Variants in CNTNAP2 observed in about 807,000 individuals in gnomAD.
CNTNAP2 encodes contactin-associated protein-like 2.
Under a neutral mutation model 155.2 loss-of-function variants are expected in CNTNAP2, and 98 were observed. That is an observed-to-expected ratio of 0.63 (90% CI 0.54 to 0.75). The LOEUF (loss-of-function observed/expected upper bound fraction) is 0.75, where lower values mean the gene tolerates loss of function less well. Ranked by LOEUF, CNTNAP2 falls within the 30% of genes least tolerant of loss-of-function variation. The pLI is 0.00. For synonymous variants in CNTNAP2, 651 were observed against 631.2 expected, an observed-to-expected ratio of 1.03 and a Z score of -0.47; for missense variants, 1,727 against 1,688.1, an observed-to-expected ratio of 1.02 and a Z score of -0.40.
chr7:146,719,019 T>C (rs1801239852), intron 1 of CNTNAP2, among the ~76,000 whole-genome samples: 1 of 152,332 alleles, frequency 6.6e-6, no homozygotes, highest in Non-Finnish European at 1.5e-5. Context: ...TAGGATGGTT[T>C]ACATTTATTA....
chr7:147,980,667 G>A (rs981079192), intron 15 of CNTNAP2, among the ~76,000 whole-genome samples: 3 of 151,840 alleles, frequency 2.0e-5, no homozygotes, highest in Non-Finnish European at 4.4e-5. Flanking sequence ...GCTCACACCT[G>A]TAATCCCAGC....
At chr7:148,345,366 GTTTGTTTA>G (rs1798308477) in intron 21 of CNTNAP2, among the ~76,000 whole-genome samples, 1 of 121,582 alleles carries the variant, frequency 8.2e-6, no homozygotes. Flanking sequence ...TTGTTTGTTT[GTTTGTTTA>G]TTTTTTGAGA....
At chr7:147,203,310 T>A (rs1289009449) in intron 8 of CNTNAP2, among the ~76,000 whole-genome samples, 1 of 152,168 alleles carries the variant, frequency 6.6e-6, no homozygotes, top group Non-Finnish European at 1.5e-5. Context: ...AATGGTGTGA[T>A]CTTGGCTCAC....
intron 1 of CNTNAP2, among the ~76,000 whole-genome samples, chr7:146,306,053 T>A (rs901611913): frequency 6.6e-6 from 1 of 151,838 alleles, no homozygotes; most frequent in South Asian, 2.1e-4. Flanking sequence ...AATAAAAAAT[T>A]ATAAAGGCGA....
intron 13 of CNTNAP2, among the ~76,000 whole-genome samples, chr7:147,865,052 T>A (rs1799203476): frequency 1.3e-5 from 2 of 152,328 alleles, no homozygotes; most frequent in Non-Finnish European, 2.9e-5. Flanking sequence ...AGTATGATAT[T>A]GGCTGTGGGT....
In CNTNAP2 at chr7:146,781,227, C is replaced by CAAA. The variant is rs375760321; in HGVS notation, c.208+6857_208+6859dup. ...TGGGTGACAGAGCGAGACTCCATCT[C>CAAA]AAAAAAAAAAAAACAAAAAAAAAAC... is the stretch of plus-strand genomic sequence containing the variant. On this transcript the variant is annotated intron_variant, in intron 2 of 23. Coordinates refer to ENST00000361727, the MANE Select transcript of CNTNAP2 (RefSeq NM_014141.6). Among the ~76,000 whole-genome samples the CAAA allele has an allele frequency of 5.2e-3, 457 of 87,444 alleles. 3 individuals carry two copies. The highest frequency in any genetic ancestry group is 0.018 in the South Asian group (50 of 2,708). 57.4% of individuals were successfully genotyped at this position (87,444 alleles called of 152,430 possible).
At chr7:148,289,154 T>C (rs1245065187) in intron 21 of CNTNAP2, among the ~76,000 whole-genome samples, 1 of 151,964 alleles carries the variant, frequency 6.6e-6, no homozygotes, top group Non-Finnish European at 1.5e-5. Flanking sequence ...GAAATTTCAG[T>C]TGTCTCCCAG....
At chr7:147,023,688 A>C (rs1798853354) in intron 3 of CNTNAP2, among the ~76,000 whole-genome samples, 3 of 152,178 alleles carry the variant, frequency 2.0e-5, no homozygotes, top group Admixed American at 6.5e-5. Context: ...CTCTTCAGCC[A>C]AAACTCCTAG....
At chr7:148,017,795 TA>T (rs1427955208) in intron 15 of CNTNAP2, among the ~76,000 whole-genome samples, 11 of 152,168 alleles carry the variant, frequency 7.2e-5, no homozygotes, top group African/African-American at 2.7e-4. Flanking sequence ...ATGACGTAAA[TA>T]ATAGCCTTTT....
intron 1 of CNTNAP2, among the ~76,000 whole-genome samples, chr7:146,412,012 G>C (rs1259216985): frequency 6.6e-6 from 1 of 151,742 alleles, no homozygotes; most frequent in African/African-American, 2.4e-5. Flanking sequence ...ACTCTATTTT[G>C]AGTAGGGATG....
At chr7:147,522,206 T>C (rs934843099) in intron 11 of CNTNAP2, among the ~76,000 whole-genome samples, 1 of 152,150 alleles carries the variant, frequency 6.6e-6, no homozygotes, top group Non-Finnish European at 1.5e-5. Flanking sequence ...TCCCCACCTC[T>C]TACCACCAGC....
chr7:147,109,895 GTATTTATTTATTTATTTATT>G (rs56065793), intron 5 of CNTNAP2, among the ~76,000 whole-genome samples: 5 of 148,778 alleles, frequency 3.4e-5, no homozygotes, highest in South Asian at 2.2e-4. Flanking sequence ...GTTGTTATTT[GTATTTATTTATTTATTTATT>G]TATTTATTTA....
chr7:147,867,068 T>C (rs1799242631), intron 13 of CNTNAP2, among the ~76,000 whole-genome samples: 2 of 152,218 alleles, frequency 1.3e-5, no homozygotes. Flanking sequence ...ACTTGGCATG[T>C]TTTTGTAGTG....
chr7:146,225,723 CAG>C (rs953780192), intron 1 of CNTNAP2, among the ~76,000 whole-genome samples: 2 of 152,200 alleles, frequency 1.3e-5, no homozygotes, highest in African/African-American at 4.8e-5. Flanking sequence ...CCTCATCACA[CAG>C]TATGAGAACT....
intron 10 of CNTNAP2, among the ~76,000 whole-genome samples, chr7:147,462,277 G>A (rs1433506813): frequency 6.6e-6 from 1 of 152,168 alleles, no homozygotes; most frequent in African/African-American, 2.4e-5. Context: ...GCATTGCACG[G>A]AATTTGCCAA....
chr7:148,367,779 A>T (rs1034564033), intron 21 of CNTNAP2, among the ~76,000 whole-genome samples: 4 of 152,170 alleles, frequency 2.6e-5, no homozygotes, highest in African/African-American at 4.8e-5. Flanking sequence ...GAAACAAAGT[A>T]CGCAACATGT....
At chr7:147,347,237 G>T (rs1795879259) in intron 9 of CNTNAP2, among the ~76,000 whole-genome samples, 1 of 151,870 alleles carries the variant, frequency 6.6e-6, no homozygotes. Flanking sequence ...GTGAGTGAAT[G>T]AGGAGGGTAG....
chr7:146,868,862 T>G (rs1795253837), intron 3 of CNTNAP2, among the ~76,000 whole-genome samples: 1 of 149,624 alleles, frequency 6.7e-6, no homozygotes, highest in Admixed American at 6.6e-5. Flanking sequence ...TGTGCATTGA[T>G]TATGTATCTT....
intron 13 of CNTNAP2, among the ~76,000 whole-genome samples, chr7:147,815,280 T>C (rs1345980686): frequency 6.6e-6 from 1 of 151,978 alleles, no homozygotes; most frequent in Non-Finnish European, 1.5e-5. Context: ...GGTTTCTCTG[T>C]TCTGGGTGTT....
Sources: gnomAD v4.1 joint callset for allele counts (sites outside exome capture counted in the v4.1 genomes callset) on GRCh38, gnomAD v4.1.1 for gene constraint, MANE v1.5 for transcripts, NCBI Gene and HGNC (gene_info 2026-07-23, HGNC 2026-07-21) for gene names.